The following TRAPPC9 variants were observed in gnomAD, a reference collection of about 807,000 sequenced individuals.
TRAPPC9 encodes trafficking protein particle complex subunit 9.
Under a neutral mutation model 124.0 loss-of-function variants are expected in TRAPPC9, and 83 were observed. That is an observed-to-expected ratio of 0.67 (90% CI 0.56 to 0.80). The LOEUF (loss-of-function observed/expected upper bound fraction) is 0.80. Ranked by LOEUF, TRAPPC9 falls within the 30% of genes least tolerant of loss-of-function variation. TRAPPC9 has a pLI of 0.00. For synonymous variants in TRAPPC9, 638 were observed against 617.5 expected (o/e 1.03, Z -0.49); for missense variants, 1,302 against 1,508.3 (o/e 0.86, Z 2.27).
chr8:139,767,534 C>T (rs1820661634), intron 21 of TRAPPC9, among the ~76,000 whole-genome samples: 1 of 152,028 alleles, frequency 6.6e-6, no homozygotes, highest in African/African-American at 2.4e-5. Context: ...AACATGCTGG[C>T]AGGTGCATGT....
At chr8:140,323,954 G>C (rs2131958970) in intron 9 of TRAPPC9, among the ~76,000 whole-genome samples, 1 of 152,156 alleles carries the variant, frequency 6.6e-6, no homozygotes, top group Admixed American at 6.5e-5. Context: ...ACATAAATCA[G>C]TTCTTTAGTG....
At chr8:140,299,580 G>T (rs573086921) in intron 11 of TRAPPC9, among the ~76,000 whole-genome samples, 1 of 152,374 alleles carries the variant, frequency 6.6e-6, no homozygotes, top group East Asian at 1.9e-4. Flanking sequence ...CAGCCTCCAG[G>T]CCCTCAAGGT....
At chr8:140,319,614 G>A (rs2066539602) in intron 9 of TRAPPC9, among the ~76,000 whole-genome samples, 1 of 151,974 alleles carries the variant, frequency 6.6e-6, no homozygotes, top group East Asian at 1.9e-4. Context: ...CTACAGGTGT[G>A]CACCACAACA....
At chr8:139,763,326 G>A (rs1241061654) in intron 21 of TRAPPC9, among the ~76,000 whole-genome samples, 2 of 152,284 alleles carry the variant, frequency 1.3e-5, no homozygotes, top group East Asian at 3.9e-4. Flanking sequence ...GGAAGGCCTC[G>A]CCTTTGGAAT....
At chr8:139,756,139 G>A (rs768440191) in intron 21 of TRAPPC9, among the ~76,000 whole-genome samples, 203 of 102,206 alleles carry the variant, frequency 2.0e-3, no homozygotes, top group Non-Finnish European at 3.1e-3. Flanking sequence ...AGGACAGCAG[G>A]TCACAGGAGG....
intron 18 of TRAPPC9, among the ~76,000 whole-genome samples, chr8:139,998,404 T>C (rs922862328): frequency 6.6e-6 from 1 of 152,200 alleles, no homozygotes; most frequent in African/African-American, 2.4e-5. Context: ...TTAAATGTAA[T>C]TTCCTATTAA....
chr8:140,270,219 C>T (rs1021949957), intron 15 of TRAPPC9, among the ~76,000 whole-genome samples: 12 of 152,152 alleles, frequency 7.9e-5, no homozygotes, highest in Admixed American at 1.3e-4. Flanking sequence ...GGGAAGGGGG[C>T]GGTGTCTAAG....
At chr8:140,180,677 C>G (rs2062181148) in intron 17 of TRAPPC9, among the ~76,000 whole-genome samples, 1 of 93,084 alleles carries the variant, frequency 1.1e-5, no homozygotes, top group Non-Finnish European at 2.2e-5. Flanking sequence ...AAGTTAACAG[C>G]TATTTTTTTT....
intron 19 of TRAPPC9, among the ~76,000 whole-genome samples, chr8:139,922,938 G>A (rs1328223015): frequency 3.9e-5 from 6 of 152,170 alleles, no homozygotes; most frequent in African/African-American, 1.4e-4. Flanking sequence ...AAATTGGCAG[G>A]AGTGTTTTTG....
At position 140,018,324 on chromosome 8, in the gene TRAPPC9, A is replaced by ATTTTTTCTTTTTTTTTTTTTTT. The variant is rs765656679; in HGVS notation, c.2699+5612_2699+5613insAAAAAAAAAAAAAAAGAAAAAA. Among the ~76,000 whole-genome samples the ATTTTTTCTTTTTTTTTTTTTTT allele has an allele frequency of 2.1e-4, 25 of 119,784 alleles. 8 individuals carry two copies. The highest frequency in any genetic ancestry group is 5.2e-4 in the South Asian group (2 of 3,834). The allele number at this position is 119,784 out of a possible 152,430, so 78.6% of individuals were successfully genotyped here. A position where few individuals can be genotyped will look rare whatever the true frequency, so the allele number is the denominator to read the frequency against. On this transcript the variant is annotated intron_variant, in intron 18 of 22. Transcript: ENST00000438773. The stretch of plus-strand genomic sequence containing the variant: ...TTGCTGGTATATAGAAACGTAAGTG[A>ATTTTTTCTTTTTTTTTTTTTTT]TTTTTTTTTTTTTTTTTGAGACGGA...
chr8:139,734,936 C>T (rs1818058490), intron 21 of TRAPPC9, among the ~76,000 whole-genome samples: 1 of 152,262 alleles, frequency 6.6e-6, no homozygotes, highest in African/African-American at 2.4e-5. Context: ...CAAATCCCAG[C>T]TTTTGCTGCA....
intron 10 of TRAPPC9, among the ~76,000 whole-genome samples, chr8:140,310,789 C>T (rs950727749): frequency 2.0e-5 from 3 of 151,994 alleles, no homozygotes; most frequent in Non-Finnish European, 4.4e-5. Flanking sequence ...GAGGAGAGAG[C>T]CTGCCAGGCA....
At chr8:140,138,468 G>C (rs80235947) in intron 17 of TRAPPC9, among the ~76,000 whole-genome samples, 5 of 152,010 alleles carry the variant, frequency 3.3e-5, no homozygotes, top group Admixed American at 1.3e-4. Context: ...CGTCCTAAAG[G>C]CCCTTTCTAA....
At chr8:139,840,299 C>G (rs1024165871) in intron 21 of TRAPPC9, among the ~76,000 whole-genome samples, 1 of 152,260 alleles carries the variant, frequency 6.6e-6, no homozygotes, top group African/African-American at 2.4e-5. Context: ...GGGGAAACTT[C>G]TGCCGCTTTC....
At chr8:140,024,296 G>A (rs1039036880) in intron 17 of TRAPPC9, among the ~76,000 whole-genome samples, 3 of 152,052 alleles carry the variant, frequency 2.0e-5, no homozygotes, top group African/African-American at 7.2e-5. Flanking sequence ...TACACCCCCG[G>A]TGGGCACCAT....
At chr8:140,381,361 C>G (rs965498750) in intron 7 of TRAPPC9, among the ~76,000 whole-genome samples, 1 of 151,896 alleles carries the variant, frequency 6.6e-6, no homozygotes, top group African/African-American at 2.4e-5. Context: ...AGAAAGTAAA[C>G]CCCAATTTAA....
chr8:140,152,840 T>A (rs117977024), intron 17 of TRAPPC9, among the ~76,000 whole-genome samples: 1 of 152,238 alleles, frequency 6.6e-6, no homozygotes, highest in African/African-American at 2.4e-5. Flanking sequence ...TTGAGGTGAT[T>A]TGACTTCCTC....
At chr8:140,422,899 G>C (rs1011210537) in intron 5 of TRAPPC9, among the ~76,000 whole-genome samples, 9 of 152,072 alleles carry the variant, frequency 5.9e-5, no homozygotes, top group African/African-American at 1.9e-4. Flanking sequence ...CACATCATTA[G>C]CTACGAGGGA....
At position 140,397,741 on chromosome 8, in the gene TRAPPC9, T is replaced by A. The variant is rs758128656; in HGVS notation, c.1013A>T (p.Lys338Met). 4.8e-5 allele frequency: 78 copies of A among 1,613,966 alleles called. No individual in the cohort carries two copies. Among genetic ancestry groups the A allele is most frequent in the Non-Finnish European group, 6.5e-5 (77 of 1,179,994 alleles). Residue 338 changes from lysine (K) to methionine (M), a missense_variant, in exon 7 of 23, where the codon AAG becomes ATG. This residue lies in a region of TRAPPC9 where 657 missense variants were observed against 811.2 expected (regional missense o/e 0.81). Coordinates refer to ENST00000438773, the MANE Select transcript of TRAPPC9 (RefSeq NM_001160372.4). ...KEAISYYSKY[K>M]NAGVIELEAC... ...TTCCAACTCAATCACTCCCGCATTC[T>A]TATACTGCAGGGTGTAAAGGAAATG...
Sources: gnomAD v4.1 joint callset for allele counts (sites outside exome capture counted in the v4.1 genomes callset) on GRCh38, gnomAD v4.1.1 for gene constraint, gnomAD v4.1.1 regional missense constraint, MANE v1.5 for transcripts, NCBI Gene and HGNC (gene_info 2026-07-23, HGNC 2026-07-21) for gene names.